The following SYCP2L variants were observed in gnomAD, a reference collection of about 807,000 sequenced individuals.
SYCP2L encodes the protein synaptonemal complex protein 2 like.
In SYCP2L, 98 loss-of-function variants were observed where a neutral mutation model predicts 125.8. That is an observed-to-expected ratio of 0.78 (90% CI 0.66 to 0.92). SYCP2L has a LOEUF of 0.92. Among genes scored for constraint, SYCP2L ranks in the 40% least tolerant of loss-of-function variants. SYCP2L has a pLI of 0.00. For missense variants in SYCP2L, 842 were observed against 936.4 expected (o/e 0.90, Z 1.32); for synonymous variants, 317 against 325.4 (o/e 0.97, Z 0.28).
rs925511262 is a variant in SYCP2L at position 10,912,071 on chromosome 6, CA to C, written c.919-599del. Among the ~76,000 whole-genome samples the C allele has an allele frequency of 9.9e-5, 15 of 151,282 alleles. No homozygotes were observed. The highest frequency in any genetic ancestry group is 2.2e-4 in the Non-Finnish European group (15 of 67,854). ...TGTCTAGAAAACATCTGGGAGGAAA[CA>C]AAGGCATTGTTAATGGTGCCTATGG... On this transcript the variant is annotated intron_variant, in intron 12 of 29. Transcript: ENST00000283141. The surrounding 1 kb of genome is among the most constrained non-coding windows in gnomAD (Gnocchi z 4.1).
intron 1 of SYCP2L, among the ~76,000 whole-genome samples, chr6:10,888,356 A>G (rs2113274937): frequency 6.6e-6 from 1 of 151,952 alleles, no homozygotes; most frequent in Admixed American, 6.6e-5. Context: ...CGGCCTCCCA[A>G]AGTGCTGGGA....
intron 20 of SYCP2L, among the ~76,000 whole-genome samples, chr6:10,932,541 A>G (rs530813589): frequency 8.1e-4 from 123 of 151,772 alleles, no homozygotes; most frequent in Middle Eastern, 3.4e-3. Flanking sequence ...TCTGTCTTCC[A>G]TCAGCCTGGA....
At chr6:10,891,352 A>G (rs535480328) in intron 1 of SYCP2L, among the ~76,000 whole-genome samples, 161 bp from the exon 2 acceptor site, 3 of 150,462 alleles carry the variant, frequency 2.0e-5, no homozygotes, top group South Asian at 2.1e-4. Context: ...TCTAAGTACT[A>G]TTTTACTTAG....
intron 29 of SYCP2L, among the ~76,000 whole-genome samples, chr6:10,965,753 T>A (rs984264100): frequency 6.6e-6 from 1 of 152,220 alleles, no homozygotes; most frequent in Admixed American, 6.5e-5. Context: ...TTAACATAAA[T>A]CTTGCATTAC....
chr6:10,933,765 T>G (rs1324095107), intron 20 of SYCP2L, among the ~76,000 whole-genome samples: 2 of 152,170 alleles, frequency 1.3e-5, no homozygotes, highest in African/African-American at 4.8e-5. Flanking sequence ...TCCTATTCAG[T>G]AAAAATGCAG....
At chr6:10,941,796 A>G (rs571492738) in intron 21 of SYCP2L, among the ~76,000 whole-genome samples, 1 of 152,316 alleles carries the variant, frequency 6.6e-6, no homozygotes, top group South Asian at 2.1e-4. Context: ...CAGCCATCCC[A>G]TTACTGGGTA....
chr6:10,920,806 G>A (rs959346822), intron 14 of SYCP2L, among the ~76,000 whole-genome samples: 5 of 149,444 alleles, frequency 3.3e-5, no homozygotes, highest in African/African-American at 1.2e-4. Flanking sequence ...ATGGAAAGAA[G>A]GTAAATGTTA....
At chr6:10,959,154 A>G (rs1490114359) in intron 26 of SYCP2L, among the ~76,000 whole-genome samples, 1 of 152,272 alleles carries the variant, frequency 6.6e-6, no homozygotes. Flanking sequence ...GCATGGAAAT[A>G]TATGTTAAAA....
chr6:10,928,039 G>C (rs956016521), intron 17 of SYCP2L, among the ~76,000 whole-genome samples: 10 of 152,144 alleles, frequency 6.6e-5, no homozygotes, highest in African/African-American at 2.4e-4. Context: ...CCTGAACATT[G>C]CTGTTATCCT....
intron 15 of SYCP2L, among the ~76,000 whole-genome samples, 160 bp downstream of exon 15, chr6:10,924,801 C>T (rs1780869180): frequency 6.6e-6 from 1 of 152,100 alleles, no homozygotes; most frequent in Non-Finnish European, 1.5e-5. Context: ...GATTTAAATC[C>T]CAGTTTTCCC....
At chr6:10,903,084 G>T in intron 8 of SYCP2L, 121 bp downstream of exon 8, 1 of 796,540 alleles carries the variant, frequency 1.3e-6, no homozygotes, top group Non-Finnish European at 2.1e-6. Context: ...TAAATGCTTT[G>T]TGCACCTATT....
At chr6:10,909,445 T>C (rs1480119952) in intron 10 of SYCP2L, among the ~76,000 whole-genome samples, 1 of 152,164 alleles carries the variant, frequency 6.6e-6, no homozygotes, top group Non-Finnish European at 1.5e-5. Context: ...CTTTTTTGCA[T>C]GAAAGGCTTA....
Position 10,912,955 on chromosome 6 carries a change from G to A in SYCP2L, c.1072+28G>A, listed in dbSNP as rs370696231. On this transcript the variant is annotated intron_variant, in intron 14 of 29. Transcript: ENST00000283141. This position sits in a 1 kb window ranked among gnomAD's most constrained non-coding sequence, Gnocchi z 4.1. ...AATATGATACATTTAAACAACCCAC[G>A]TCCAGTTCCAAATATTATTTCTGTT... is the stretch of plus-strand genomic sequence containing the variant. The A allele has an allele frequency of 3.1e-5, 49 of 1,599,694 alleles. 1 individual carries two copies. Among genetic ancestry groups the A allele is most frequent in the Admixed American group, 2.0e-4 (12 of 59,560 alleles).
At chr6:10,923,808 C>T (rs1474457155) in intron 14 of SYCP2L, among the ~76,000 whole-genome samples, 7 of 151,780 alleles carry the variant, frequency 4.6e-5, no homozygotes, top group African/African-American at 7.3e-5. Context: ...CTCAGCCTCC[C>T]GAATAGCTGG....
rs1290667234 is a variant in SYCP2L, at chr6:10,927,282, C to T, written c.1355C>T (p.Ala452Val). 3 of 1,614,014 alleles carry T rather than the reference C, an allele frequency of 1.9e-6. No homozygotes were observed. The African/African-American group carries it at 4.0e-5, about 22-fold the overall frequency. The change falls in exon 17 of 30, where the codon GCT becomes GTT. Residue 452 changes from alanine to valine, a missense_variant. Transcript: ENST00000283141. ...ESTNMVEFMS[A>V]EDDRCLITLH... ...ACTAACATGGTGGAGTTTATGAGTGCTGAAGATGACCGCTGCCTAATAACT... is the reference window on the plus strand; with the variant it reads ...ACTAACATGGTGGAGTTTATGAGTGTTGAAGATGACCGCTGCCTAATAACT...
At chr6:10,967,454 G>GGGGTGTGTGTGTGTGT (rs56098075) in intron 29 of SYCP2L, among the ~76,000 whole-genome samples, 2,577 of 138,866 alleles carry the variant, frequency 0.019, 68 homozygotes, top group South Asian at 0.033. Context: ...TGGGGTAGAG[G>GGGGTGTGTGTGTGTGT]GTGTGTGTGT....
rs192943495 is a variant in SYCP2L at position 10,915,907 on chromosome 6, C to T, written c.1072+2980C>T. 2.1e-3 allele frequency among the ~76,000 whole-genome samples: 321 copies of T among 152,304 alleles called. 4 individuals are homozygous for T. The highest frequency in any genetic ancestry group is 0.013 in the East Asian group (68 of 5,182). On this transcript the variant is annotated intron_variant, in intron 14 of 29. Transcript: ENST00000283141. ...GTCAGTAGGATTGGCACCAATTCTT[C>T]TCTGACTGTCTGGTAGAATTCTGCT...
Position 10,930,524 on chromosome 6 carries a change from G to A in SYCP2L, c.1633+10G>A. On this transcript the variant is annotated intron_variant, in intron 19 of 29. Coordinates refer to ENST00000283141, the MANE Select transcript of SYCP2L (RefSeq NM_001040274.3). The stretch of plus-strand genomic sequence containing the variant: ...AGAAGTAATTTGAGAAGTAAGTCTG[G>A]CATGTCTTCTTTTGAATCACTTTTC... 1.2e-6 allele frequency: 2 copies of A among 1,605,632 alleles called. No homozygotes were observed. The highest frequency in any genetic ancestry group is 1.7e-6 in the Non-Finnish European group (2 of 1,176,614).
intron 21 of SYCP2L, among the ~76,000 whole-genome samples, chr6:10,941,121 C>T (rs1443176094): frequency 1.3e-5 from 2 of 152,128 alleles, no homozygotes; most frequent in African/African-American, 4.8e-5. Context: ...GAAACTGGAT[C>T]CCTTCCTTAC....
Sources: gnomAD v4.1 joint callset for allele counts (sites outside exome capture counted in the v4.1 genomes callset) on GRCh38, gnomAD v4.1.1 for gene constraint, Gnocchi (gnomAD v3.1) non-coding constraint, MANE v1.5 for transcripts, NCBI Gene and HGNC (gene_info 2026-07-23, HGNC 2026-07-21) for gene names.